The following SNX30 variants were observed in gnomAD, a reference collection of about 807,000 sequenced individuals.
SNX30 encodes the protein sorting nexin-30.
In SNX30, 24 loss-of-function variants were observed where a neutral mutation model predicts 46.4. That is an observed-to-expected ratio of 0.52 (90% confidence interval 0.37 to 0.73). The LOEUF (loss-of-function observed/expected upper bound fraction) is 0.73, where lower values mean the gene tolerates loss of function less well. Ranked by LOEUF, SNX30 falls within the 30% of genes least tolerant of loss-of-function variation. The pLI, the probability that SNX30 is intolerant of heterozygous loss-of-function variation, is 0.00. For synonymous variants in SNX30, 189 were observed against 211.5 expected (o/e 0.89, Z 0.92); for missense variants, 533 against 555.7 (o/e 0.96, Z 0.41).
intron 1 of SNX30, among the ~76,000 whole-genome samples, chr9:112,774,887 A>C (rs1179665428): frequency 2.2e-5 from 3 of 137,710 alleles, no homozygotes; most frequent in Non-Finnish European, 3.0e-5. Context: ...TCTGTTGCCC[A>C]GGCGTGGAGT....
chr9:112,793,548 A>G (rs915149345), intron 1 of SNX30, among the ~76,000 whole-genome samples: 3 of 152,286 alleles, frequency 2.0e-5, no homozygotes, highest in Non-Finnish European at 4.4e-5. Context: ...CCCACTGACA[A>G]TCACACTTTC....
intron 7 of SNX30, among the ~76,000 whole-genome samples, chr9:112,853,318 G>A (rs1464477265): frequency 6.6e-6 from 1 of 152,190 alleles, no homozygotes; most frequent in Non-Finnish European, 1.5e-5. Flanking sequence ...CTGTGTGTCT[G>A]TCACAAGGGA....
chr9:112,831,221 T>TA (rs1840655117), intron 4 of SNX30, among the ~76,000 whole-genome samples: 1 of 152,002 alleles, frequency 6.6e-6, no homozygotes, highest in South Asian at 2.1e-4. Context: ...AGGGTTGTCA[T>TA]AAAATTGGTC....
At chr9:112,882,347 T>C (rs1373526082), downstream of SNX30, among the ~76,000 whole-genome samples, 1 of 152,120 alleles carries the variant, frequency 6.6e-6, no homozygotes, top group Non-Finnish European at 1.5e-5. Context: ...GCTCAAGCAA[T>C]TCCCCCACCT....
chr9:112,828,377 G>A (rs1393917933), intron 3 of SNX30, among the ~76,000 whole-genome samples: 1 of 152,114 alleles, frequency 6.6e-6, no homozygotes, highest in Admixed American at 6.5e-5. Context: ...GTATCGCCTC[G>A]GTGTGTAGTA....
chr9:112,756,876 GTTTA>G lies in SNX30; in HGVS notation c.156+5724_156+5727del, dbSNP rs574035667. Reference sequence around the variant, plus strand: ...ACTGGATATTATCACATTTTATTGTGTTTATTTAAGGTATACAACTTGATGTTAT... The same window carrying G: ...ACTGGATATTATCACATTTTATTGTGTTTAAGGTATACAACTTGATGTTAT... On this transcript the variant is annotated intron_variant, in intron 1 of 8. Transcript: ENST00000374232. Among the ~76,000 whole-genome samples the G allele has an allele frequency of 1.2e-4, 18 of 152,276 alleles. No individual in the cohort carries two copies. The South Asian group carries it at 3.7e-3, about 32-fold the overall frequency.
At chr9:112,881,226 C>T (rs1841573159) in intron 5 of SNX30, among the ~76,000 whole-genome samples, 1 of 152,206 alleles carries the variant, frequency 6.6e-6, no homozygotes, top group Admixed American at 6.5e-5. Flanking sequence ...GCTCCAGAAT[C>T]CTCAGGTTCT....
At position 112,772,539 on chromosome 9, in the gene SNX30, C is replaced by A. The variant is rs983760923; in HGVS notation, c.156+21382C>A. Reference sequence around the variant, plus strand: ...TGTGGAGATATCTAGGCGTGTCTCCCCTGCCATGGTTTGAGCAAAATGGTC... The same window carrying A: ...TGTGGAGATATCTAGGCGTGTCTCCACTGCCATGGTTTGAGCAAAATGGTC... On this transcript the variant is annotated intron_variant, in intron 1 of 8. Transcript: ENST00000374232. Among the ~76,000 whole-genome samples the A allele has an allele frequency of 2.0e-5, 3 of 152,102 alleles. No individual in the cohort carries two copies. In the East Asian group the frequency reaches 5.8e-4, roughly 29 times the overall value.
chr9:112,764,396 A>G (rs1839497881), intron 1 of SNX30, among the ~76,000 whole-genome samples: 1 of 152,102 alleles, frequency 6.6e-6, no homozygotes, highest in South Asian at 2.1e-4. Flanking sequence ...GCTGTTTTTT[A>G]AAGAGATGGG....
intron 6 of SNX30, among the ~76,000 whole-genome samples, chr9:112,848,426 G>A (rs375119503): frequency 1.5e-4 from 23 of 152,124 alleles, no homozygotes; most frequent in Admixed American, 6.5e-4. Flanking sequence ...TTCAGAACAC[G>A]TTGCCCAACC....
rs1841479097 is a variant in SNX30, at chr9:112,873,594, A to G, written c.*4751A>G. 6.6e-6 allele frequency: 1 copy of G among 152,026 alleles called. No homozygotes were observed. Among genetic ancestry groups the G allele is most frequent in the South Asian group, 2.1e-4 (1 of 4,812 alleles). 9.4% of individuals were successfully genotyped at this position (152,026 alleles called of 1,614,324 possible). A position where few individuals can be genotyped will look rare whatever the true frequency, so the allele number is the denominator to read the frequency against. Reference sequence around the variant, plus strand: ...GAAAACTAAGGACTGCTTTTGCCAAATGATATTTTTGATAATGTAAGGAAA... The same window carrying G: ...GAAAACTAAGGACTGCTTTTGCCAAGTGATATTTTTGATAATGTAAGGAAA... On this transcript the variant is annotated 3_prime_UTR_variant, in exon 9 of 9. Coordinates refer to ENST00000374232, the MANE Select transcript of SNX30 (RefSeq NM_001012994.2).
rs1473545725 is a variant in SNX30, at chr9:112,865,659, A to ATC, written c.1254+1261_1254+1262insCT. Among the ~76,000 whole-genome samples the ATC allele has an allele frequency of 3.8e-5, 3 of 79,698 alleles. 1 individual carries two copies. The highest frequency in any genetic ancestry group is 7.6e-5 in the Non-Finnish European group (3 of 39,554). The allele number at this position is 79,698 out of a possible 152,430, so 52.3% of individuals were successfully genotyped here. A position where few individuals can be genotyped will look rare whatever the true frequency, so the allele number is the denominator to read the frequency against. ...TATATATATATATATATATATATAT[A>ATC]TATGTATGTATGTATGCACACACAC... is the stretch of plus-strand genomic sequence containing the variant. On this transcript the variant is annotated intron_variant, in intron 8 of 8. Coordinates refer to ENST00000374232, the MANE Select transcript of SNX30 (RefSeq NM_001012994.2).
rs1461678741 is a variant in SNX30, at chr9:112,804,390, C to T, written c.157-386C>T. 2.0e-5 allele frequency among the ~76,000 whole-genome samples: 3 copies of T among 152,204 alleles called. No individual in the cohort carries two copies. The East Asian group carries it at 5.8e-4, about 29-fold the overall frequency. On this transcript the variant is annotated intron_variant, in intron 1 of 8. Transcript: ENST00000374232. Reference sequence around the variant, plus strand: ...ATGTTGGCCAGGCTGGTCTCAAACTCGTGACCTCAGGTGAGCCACCTGTCT... The same window carrying T: ...ATGTTGGCCAGGCTGGTCTCAAACTTGTGACCTCAGGTGAGCCACCTGTCT...
At chr9:112,845,557 C>T (rs1309707406) in intron 6 of SNX30, among the ~76,000 whole-genome samples, 4 of 152,198 alleles carry the variant, frequency 2.6e-5, no homozygotes, top group Non-Finnish European at 4.4e-5. Context: ...GAGCAAGAGA[C>T]TCTAGGCACA....
chr9:112,780,403 TAAA>T (rs1839826935), intron 1 of SNX30, among the ~76,000 whole-genome samples: 1 of 152,162 alleles, frequency 6.6e-6, no homozygotes. Context: ...TTACTACGGT[TAAA>T]AAAGAGAGAA....
At chr9:112,767,232 C>G (rs902286519) in intron 1 of SNX30, among the ~76,000 whole-genome samples, 2 of 151,684 alleles carry the variant, frequency 1.3e-5, no homozygotes, top group African/African-American at 4.8e-5. Flanking sequence ...GCTTATTGGC[C>G]ATTTATATGT....
chr9:112,788,533 C>T (rs926082781), intron 1 of SNX30, among the ~76,000 whole-genome samples: 3 of 152,124 alleles, frequency 2.0e-5, no homozygotes, highest in Admixed American at 1.3e-4. Context: ...TAAGGAACGC[C>T]TGGATTGTGG....
In SNX30 at chr9:112,751,178, G is replaced by A. The variant is rs537201931; in HGVS notation, c.156+21G>A. On this transcript the variant is annotated intron_variant, in intron 1 of 8. Transcript: ENST00000374232. ...ACAAGGTGGGGCGCCTGGGGCCGGG[G>A]AGTGGGAGGCTTATTTCGCTCCCCG... is the stretch of plus-strand genomic sequence containing the variant. The A allele has an allele frequency of 6.1e-6, 9 of 1,477,048 alleles. No individual in the cohort carries two copies. In the African/African-American group the frequency reaches 1.1e-4, roughly 19 times the overall value. The allele number at this position is 1,477,048 out of a possible 1,614,324, so 91.5% of individuals were successfully genotyped here. A position where few individuals can be genotyped will look rare whatever the true frequency, so the allele number is the denominator to read the frequency against.
chr9:112,831,874 G>A (rs1840664127), intron 4 of SNX30, among the ~76,000 whole-genome samples: 1 of 152,144 alleles, frequency 6.6e-6, no homozygotes, highest in Admixed American at 6.5e-5. Context: ...AGACCCTCCT[G>A]CTAGCTTCCC....
Sources: allele counts gnomAD v4.1 joint callset (sites outside exome capture counted in the v4.1 genomes callset), GRCh38; gene constraint gnomAD v4.1.1; transcripts MANE v1.5; gene names NCBI Gene and HGNC (gene_info 2026-07-23, HGNC 2026-07-21).